The following SGCZ variants were observed in gnomAD, a reference collection of about 807,000 sequenced individuals.
SGCZ encodes the protein sarcoglycan zeta, also known as zeta-sarcoglycan.
Under a neutral mutation model 41.3 loss-of-function variants are expected in SGCZ, and 40 were observed. The observed-to-expected ratio is 0.97, with a 90% confidence interval of 0.75 to 1.26. SGCZ has a LOEUF of 1.26. SGCZ is among the 50% of genes most tolerant of loss of function. The pLI is 0.00. For missense variants in SGCZ, 552 were observed against 369.8 expected (o/e 1.49, Z -4.04); for synonymous variants, 206 against 137.5 (o/e 1.50, Z -3.49).
intron 3 of SGCZ, among the ~76,000 whole-genome samples, chr8:14,260,793 T>C (rs1307283502): frequency 6.6e-6 from 1 of 152,128 alleles, no homozygotes; most frequent in East Asian, 1.9e-4. Context: ...TCATGTCCTT[T>C]GTAGGGACAT....
intron 1 of SGCZ, among the ~76,000 whole-genome samples, chr8:15,207,450 T>C (rs574764027): frequency 9.9e-4 from 150 of 151,864 alleles, no homozygotes; most frequent in African/African-American, 3.5e-3. Flanking sequence ...AAAAGAATAA[T>C]CAAAGAAACA....
chr8:15,114,502 T>C (rs1807193239), intron 1 of SGCZ, among the ~76,000 whole-genome samples: 1 of 152,222 alleles, frequency 6.6e-6, no homozygotes, highest in Non-Finnish European at 1.5e-5. Context: ...GAAAGTATGA[T>C]AGTAAGCCAT....
intron 2 of SGCZ, among the ~76,000 whole-genome samples, chr8:14,382,045 T>C (rs946876721): frequency 8.5e-5 from 13 of 152,174 alleles, no homozygotes; most frequent in Non-Finnish European, 1.5e-4. Flanking sequence ...TTGAAATTTA[T>C]TGTAAAGAGT....
At chr8:14,821,627 G>A (rs562069319) in intron 1 of SGCZ, among the ~76,000 whole-genome samples, 4 of 152,114 alleles carry the variant, frequency 2.6e-5, no homozygotes, top group South Asian at 4.1e-4. Context: ...ATGATCAGGC[G>A]AACCTGATTC....
chr8:15,032,048 G>A (rs1353362530), intron 1 of SGCZ, among the ~76,000 whole-genome samples: 3 of 151,906 alleles, frequency 2.0e-5, no homozygotes, highest in Admixed American at 1.3e-4. Context: ...AAATCCCCTT[G>A]TCTATGATTT....
At chr8:14,189,363 T>G (rs1036679026) in intron 4 of SGCZ, among the ~76,000 whole-genome samples, 2 of 152,196 alleles carry the variant, frequency 1.3e-5, no homozygotes, top group African/African-American at 4.8e-5. Context: ...CTCCTTATAT[T>G]ACTCAGAACA....
At chr8:14,965,605 G>C (rs1000568315) in intron 1 of SGCZ, among the ~76,000 whole-genome samples, 6 of 152,130 alleles carry the variant, frequency 3.9e-5, no homozygotes, top group African/African-American at 1.2e-4. Context: ...GCAATAGAGA[G>C]AGGAATTTAA....
chr8:15,010,827 G>A (rs556716819), intron 1 of SGCZ, among the ~76,000 whole-genome samples: 6 of 152,264 alleles, frequency 3.9e-5, no homozygotes, highest in African/African-American at 1.4e-4. Context: ...TGGTGACAAT[G>A]GGACACTTGG....
chr8:14,376,216 C>A (rs1016935961), intron 2 of SGCZ, among the ~76,000 whole-genome samples: 1 of 152,078 alleles, frequency 6.6e-6, no homozygotes, highest in Non-Finnish European at 1.5e-5. Flanking sequence ...GAGGCTGAGG[C>A]AGGAGAATTC....
chr8:14,640,892 A>T lies in SGCZ; in HGVS notation c.40-85966T>A, dbSNP rs555734255. On this transcript the variant is annotated intron_variant, in intron 1 of 7. Transcript: ENST00000382080. ...ACAGCTTCAGCCATCTGCAGCATAC[A>T]TCTTATTTAGAATATCTGGAAATGT... Among the ~76,000 whole-genome samples the T allele has an allele frequency of 9.2e-5, 14 of 151,742 alleles. No individual in the cohort carries two copies. In the East Asian group the frequency reaches 2.7e-3, roughly 30 times the overall value.
intron 1 of SGCZ, among the ~76,000 whole-genome samples, chr8:15,087,780 T>A (rs1028221469): frequency 6.6e-6 from 1 of 152,152 alleles, no homozygotes; most frequent in South Asian, 2.1e-4. Flanking sequence ...AAGAGTCAAC[T>A]CCTTAAGTTT....
At chr8:14,264,597 A>G (rs948994423) in intron 3 of SGCZ, among the ~76,000 whole-genome samples, 1 of 152,042 alleles carries the variant, frequency 6.6e-6, no homozygotes, top group Non-Finnish European at 1.5e-5. Flanking sequence ...GCGATGATAC[A>G]GAGGCAGTGA....
intron 2 of SGCZ, among the ~76,000 whole-genome samples, chr8:14,440,658 T>C (rs979035159): frequency 2.7e-5 from 4 of 150,038 alleles, no homozygotes; most frequent in African/African-American, 9.7e-5. Flanking sequence ...TACATGTATA[T>C]ATGTGTCTGT....
intron 1 of SGCZ, among the ~76,000 whole-genome samples, chr8:14,921,755 A>G (rs1215075793): frequency 2.0e-5 from 3 of 152,162 alleles, no homozygotes; most frequent in African/African-American, 7.2e-5. Context: ...TGTTTTTTCC[A>G]TAGATTTTGT....
At chr8:14,320,955 G>C (rs561670577) in intron 3 of SGCZ, among the ~76,000 whole-genome samples, 1 of 152,152 alleles carries the variant, frequency 6.6e-6, no homozygotes, top group African/African-American at 2.4e-5. Flanking sequence ...GACTACCTTG[G>C]ACTCGTGTAA....
At chr8:15,038,603 A>C (rs749688236) in intron 1 of SGCZ, among the ~76,000 whole-genome samples, 2 of 152,068 alleles carry the variant, frequency 1.3e-5, no homozygotes, top group African/African-American at 2.4e-5. Flanking sequence ...AAAAATAGGC[A>C]AATGGAATTG....
chr8:15,222,226 C>A (rs942268198), intron 1 of SGCZ, among the ~76,000 whole-genome samples: 1 of 152,022 alleles, frequency 6.6e-6, no homozygotes, highest in African/African-American at 2.4e-5. Flanking sequence ...GATATTGGAT[C>A]CAATAAGGTT....
intron 3 of SGCZ, among the ~76,000 whole-genome samples, chr8:14,260,312 A>G (rs1563218873): frequency 6.6e-6 from 1 of 151,592 alleles, no homozygotes; most frequent in Admixed American, 6.6e-5. Flanking sequence ...TTCTCAAAAG[A>G]AGACATTTAT....
intron 2 of SGCZ, among the ~76,000 whole-genome samples, chr8:14,390,987 A>T (rs1461790942): frequency 1.3e-5 from 2 of 152,124 alleles, no homozygotes; most frequent in Non-Finnish European, 1.5e-5. Flanking sequence ...GAAAAAGCAT[A>T]GCAAATAAAA....
Sources: allele counts gnomAD v4.1 joint callset (sites outside exome capture counted in the v4.1 genomes callset), GRCh38; gene constraint gnomAD v4.1.1; transcripts MANE v1.5; gene names NCBI Gene and HGNC (gene_info 2026-07-23, HGNC 2026-07-21).